The following MYO3B variants were observed in gnomAD, a reference collection of about 807,000 sequenced individuals.
The protein encoded by MYO3B is myosin IIIB.
In MYO3B, 156 loss-of-function variants were observed where a neutral mutation model predicts 174.6. That is an observed-to-expected ratio of 0.89 (90% CI 0.78 to 1.02). The LOEUF is 1.02. MYO3B is among the 50% of genes least tolerant of loss of function. The probability of loss-of-function intolerance (pLI) is 0.00; values close to 1 mark genes in which losing one functional copy is unlikely to be tolerated. For synonymous variants in MYO3B, 563 were observed against 569.1 expected, an observed-to-expected ratio of 0.99 and a Z score of 0.15; for missense variants, 1,632 against 1,639.4, an observed-to-expected ratio of 1.00 and a Z score of 0.08.
chr2:170,432,690 C>T (rs761933979), intron 22 of MYO3B, among the ~76,000 whole-genome samples: 1 of 151,978 alleles, frequency 6.6e-6, no homozygotes, highest in African/African-American at 2.4e-5. Flanking sequence ...CATTCTCCTG[C>T]GTCAGCCTCC....
intron 7 of MYO3B, among the ~76,000 whole-genome samples, chr2:170,310,782 T>C (rs2105468828): frequency 6.6e-6 from 1 of 152,102 alleles, no homozygotes; most frequent in South Asian, 2.1e-4. Flanking sequence ...TGGTTGAATA[T>C]GTCTAAAGAC....
chr2:170,249,885 A>G (rs144486558), intron 7 of MYO3B, among the ~76,000 whole-genome samples: 7 of 152,356 alleles, frequency 4.6e-5, no homozygotes, highest in African/African-American at 1.7e-4. Flanking sequence ...TCTGTAAAGA[A>G]ACCTCAGACT....
At chr2:170,458,729 T>C (rs1013862188) in intron 23 of MYO3B, among the ~76,000 whole-genome samples, 6 of 152,212 alleles carry the variant, frequency 3.9e-5, no homozygotes, top group Non-Finnish European at 7.3e-5. Context: ...GAGAGAGGTC[T>C]AGTTTAAAAG....
intron 23 of MYO3B, among the ~76,000 whole-genome samples, chr2:170,458,837 A>G (rs747042742): frequency 6.6e-6 from 1 of 152,228 alleles, no homozygotes; most frequent in Non-Finnish European, 1.5e-5. Context: ...TATACAAGAG[A>G]TCCCTCACCA....
At chr2:170,483,580 G>C (rs1012663844) in intron 25 of MYO3B, among the ~76,000 whole-genome samples, 2 of 125,654 alleles carry the variant, frequency 1.6e-5, no homozygotes, top group Non-Finnish European at 3.0e-5. Flanking sequence ...TAGAGACGGG[G>C]TTTCACCGTG....
intron 7 of MYO3B, among the ~76,000 whole-genome samples, chr2:170,291,721 T>TTTTTA (rs1553584943): frequency 1.3e-4 from 20 of 151,896 alleles, no homozygotes; most frequent in East Asian, 9.6e-4. Context: ...AGGTTTTTTT[T>TTTTTA]ATTTTCTTAA....
intron 32 of MYO3B, among the ~76,000 whole-genome samples, chr2:170,639,332 T>A (rs1202631551): frequency 6.6e-6 from 1 of 152,200 alleles, no homozygotes; most frequent in Non-Finnish European, 1.5e-5. Flanking sequence ...GACACTTTTT[T>A]AAAAGCTGAG....
At chr2:170,283,897 G>A (rs1396404483) in intron 7 of MYO3B, among the ~76,000 whole-genome samples, 1 of 152,222 alleles carries the variant, frequency 6.6e-6, no homozygotes, top group Non-Finnish European at 1.5e-5. Flanking sequence ...GGATGAGTGA[G>A]TGCAAAGATG....
chr2:170,504,245 C>A (rs7584632), intron 28 of MYO3B, among the ~76,000 whole-genome samples: 5,868 of 152,244 alleles, frequency 0.039, 278 homozygotes, highest in African/African-American at 0.11. Context: ...TTCAACAAAT[C>A]ATTTCATTTG....
chr2:170,646,616 G>A (rs751257156), intron 32 of MYO3B, among the ~76,000 whole-genome samples: 7 of 152,018 alleles, frequency 4.6e-5, no homozygotes, highest in Non-Finnish European at 2.9e-5. Flanking sequence ...GGCTGCTCTC[G>A]AACTCCTGAG....
chr2:170,211,942 TAAAAA>T (rs35573351), intron 3 of MYO3B, among the ~76,000 whole-genome samples: 1 of 139,234 alleles, frequency 7.2e-6, no homozygotes, highest in Non-Finnish European at 1.6e-5. Context: ...AATGTTTTCT[TAAAAA>T]AAAAAAAAAA....
At chr2:170,466,924 A>G (rs776774144) in intron 25 of MYO3B, among the ~76,000 whole-genome samples, 6 of 152,196 alleles carry the variant, frequency 3.9e-5, no homozygotes, top group Non-Finnish European at 8.8e-5. Flanking sequence ...TTCTGATCAC[A>G]TTATTTTAAA....
chr2:170,470,102 C>CAAAAA (rs34472083), intron 25 of MYO3B, among the ~76,000 whole-genome samples: 37 of 46,322 alleles, frequency 8.0e-4, no homozygotes, highest in South Asian at 1.9e-3. Context: ...AACTCCGTCT[C>CAAAAA]AAAAAAAAAA....
chr2:170,339,744 G>T (rs2093966146), intron 8 of MYO3B, among the ~76,000 whole-genome samples: 1 of 152,178 alleles, frequency 6.6e-6, no homozygotes, highest in Admixed American at 6.5e-5. Flanking sequence ...CTGAAGCTTT[G>T]GTTGTTAGTG....
Position 170,413,956 on chromosome 2 carries a change from C to T in MYO3B, c.2650+6112C>T, listed in dbSNP as rs574489064. On this transcript the variant is annotated intron_variant, in intron 22 of 34. Coordinates refer to ENST00000408978, the MANE Select transcript of MYO3B (RefSeq NM_138995.5). ...TTGGGAGGCTGAGGCAGGAGAATCG[C>T]ATGAACCTGGGAGGCGGAGGTTGCA... Among the ~76,000 whole-genome samples, 17 of 152,022 alleles carry T rather than the reference C, an allele frequency of 1.1e-4. No homozygotes were observed. In the East Asian group the frequency reaches 3.1e-3, roughly 28 times the overall value.
intron 32 of MYO3B, among the ~76,000 whole-genome samples, chr2:170,570,999 G>A (rs1477318725): frequency 2.0e-5 from 3 of 151,986 alleles, no homozygotes; most frequent in Non-Finnish European, 4.4e-5. Flanking sequence ...TGCTGAAGTA[G>A]GATTACCTCC....
At chr2:170,544,032 A>G (rs2106207485) in intron 32 of MYO3B, 44 bp downstream of exon 32, 1 of 1,441,828 alleles carries the variant, frequency 6.9e-7, no homozygotes, top group East Asian at 2.3e-5. Flanking sequence ...TACCATTTGC[A>G]TGTTTGTGTA....
chr2:170,303,298 G>T (rs1015430380), intron 7 of MYO3B, among the ~76,000 whole-genome samples: 13 of 152,112 alleles, frequency 8.5e-5, no homozygotes, highest in African/African-American at 2.9e-4. Flanking sequence ...CTTGCTCAAA[G>T]AAGTTTTACT....
intron 14 of MYO3B, among the ~76,000 whole-genome samples, chr2:170,388,095 A>G (rs2094388929): frequency 6.6e-6 from 1 of 151,978 alleles, no homozygotes; most frequent in Non-Finnish European, 1.5e-5. Flanking sequence ...TTATTATTGT[A>G]GGACACCAGA....
Sources: gnomAD v4.1 joint callset for allele counts (sites outside exome capture counted in the v4.1 genomes callset) on GRCh38, gnomAD v4.1.1 for gene constraint, MANE v1.5 for transcripts, NCBI Gene and HGNC (gene_info 2026-07-23, HGNC 2026-07-21) for gene names.